The following SHISAL1 variants were observed in gnomAD, a reference collection of about 807,000 sequenced individuals.
The protein encoded by SHISAL1 is protein shisa-like-1.
A neutral mutation model predicts 22.6 loss-of-function variants in SHISAL1; 9 were observed. The observed-to-expected ratio is 0.40, with a 90% CI of 0.24 to 0.70. The LOEUF is 0.70. SHISAL1 is among the 30% of genes least tolerant of loss of function. The pLI is 0.39. For missense variants in SHISAL1, 246 were observed against 270.6 expected (o/e 0.91, Z 0.64); for synonymous variants, 119 against 115.4 (o/e 1.03, Z -0.20).
chr22:44,259,419 C>G (rs1220580749), intron 4 of SHISAL1, among the ~76,000 whole-genome samples: 1 of 149,788 alleles, frequency 6.7e-6, no homozygotes, highest in Non-Finnish European at 1.5e-5. Flanking sequence ...GCTCGGGCGA[C>G]AGTGCAAGAC....
At chr22:44,308,807 G>C (rs749164906) in intron 1 of SHISAL1, among the ~76,000 whole-genome samples, 1 of 152,196 alleles carries the variant, frequency 6.6e-6, no homozygotes, top group African/African-American at 2.4e-5. Flanking sequence ...CCCCAGGGTT[G>C]GCCCTCCTTA....
intron 4 of SHISAL1, among the ~76,000 whole-genome samples, chr22:44,273,163 A>C (rs544201705): frequency 2.0e-5 from 3 of 152,288 alleles, no homozygotes; most frequent in African/African-American, 7.2e-5. Context: ...GGAGCAAGTG[A>C]GATTATGTGA....
intron 1 of SHISAL1, among the ~76,000 whole-genome samples, chr22:44,305,610 G>A (rs756121370): frequency 1.3e-5 from 2 of 152,226 alleles, no homozygotes; most frequent in Non-Finnish European, 2.9e-5. Context: ...CCAGCCCTGC[G>A]GGACACCAGC....
At position 44,245,333 on chromosome 22, in the gene SHISAL1, TAG is replaced by T. The variant is rs1410324210; in HGVS notation, c.*4350_*4351del. 2.0e-5 allele frequency: 3 copies of T among 152,322 alleles called. No homozygotes were observed. Among genetic ancestry groups the T allele is most frequent in the Admixed American group, 1.3e-4 (2 of 15,274 alleles). 9.4% of individuals were successfully genotyped at this position (152,322 alleles called of 1,614,324 possible). A position where few individuals can be genotyped will look rare whatever the true frequency, so the allele number is the denominator to read the frequency against. On this transcript the variant is annotated 3_prime_UTR_variant, in exon 5 of 5. Transcript: ENST00000381176. Reference sequence around the variant, plus strand: ...CTTCCTTCCTTCTTACCTACCTACCTAGACAGAGTCTCACTCTGTTGCCCAGG... The same window carrying T: ...CTTCCTTCCTTCTTACCTACCTACCTACAGAGTCTCACTCTGTTGCCCAGG...
chr22:44,280,991 A>G (rs1188710803), intron 4 of SHISAL1, among the ~76,000 whole-genome samples: 2 of 152,170 alleles, frequency 1.3e-5, no homozygotes, highest in Non-Finnish European at 1.5e-5. Flanking sequence ...ATGACAGCAC[A>G]GCATGTGGCA....
upstream of SHISAL1, among the ~76,000 whole-genome samples, chr22:44,316,861 G>C (rs1436384361): frequency 1.3e-5 from 2 of 152,236 alleles, no homozygotes; most frequent in African/African-American, 4.8e-5. Context: ...AGATTATGGG[G>C]CGGGCAGGAG....
intron 1 of SHISAL1, among the ~76,000 whole-genome samples, chr22:44,309,051 C>T (rs541130651): frequency 3.0e-4 from 45 of 152,328 alleles, no homozygotes; most frequent in African/African-American, 8.2e-4. Context: ...CCACCGTGTA[C>T]GTCCAAACTG....
chr22:44,254,176 C>G (rs1304185185), intron 4 of SHISAL1, among the ~76,000 whole-genome samples: 1 of 151,964 alleles, frequency 6.6e-6, no homozygotes, highest in East Asian at 1.9e-4. Context: ...CATACATAGC[C>G]TTAAAACACT....
rs370971639 is a variant in SHISAL1 at position 44,266,528 on chromosome 22, A to ATGGGTG, written c.*-16844_*-16843insCACCCA. On this transcript the variant is annotated intron_variant, in intron 4 of 4. Transcript: ENST00000381176. ...ATGTGTGTGTTGGGGGCTTTGGGGTATGTGTGTGTGTGTGTGTGTGTGTGT... is the reference window on the plus strand; with the variant it reads ...ATGTGTGTGTTGGGGGCTTTGGGGTATGGGTGTGTGTGTGTGTGTGTGTGTGTGTGT... Among the ~76,000 whole-genome samples the ATGGGTG allele has an allele frequency of 4.5e-4, 49 of 108,418 alleles. 1 individual carries two copies. The highest frequency in any genetic ancestry group is 1.4e-3 in the African/African-American group (38 of 26,416). 71.1% of individuals were successfully genotyped at this position (108,418 alleles called of 152,430 possible).
chr22:44,296,461 C>T (rs2147298634), intron 3 of SHISAL1, among the ~76,000 whole-genome samples: 1 of 152,350 alleles, frequency 6.6e-6, no homozygotes, highest in East Asian at 1.9e-4. Context: ...CGCCTGGCCT[C>T]TGTGTCCATT....
chr22:44,254,444 T>A (rs2055070717), intron 4 of SHISAL1, among the ~76,000 whole-genome samples: 1 of 152,136 alleles, frequency 6.6e-6, no homozygotes, highest in Non-Finnish European at 1.5e-5. Context: ...CACTGCAACC[T>A]CAAACTCCTG....
intron 2 of SHISAL1, among the ~76,000 whole-genome samples, chr22:44,299,757 AAGAC>A (rs1035918265): frequency 4.0e-5 from 6 of 150,686 alleles, no homozygotes; most frequent in African/African-American, 1.5e-4. Context: ...GAGTCAGAGA[AAGAC>A]AGAGACAGAG....
the SHISAL1 span, among the ~76,000 whole-genome samples, chr22:44,326,139 C>G: frequency 6.6e-6 from 1 of 152,088 alleles, no homozygotes; most frequent in African/African-American, 2.4e-5. Context: ...ACGTACAATT[C>G]TCCCGACAAA....
chr22:44,245,403 C>T lies in SHISAL1; in HGVS notation c.*4282G>A, dbSNP rs965378453. The T allele has an allele frequency of 2.0e-5, 3 of 152,288 alleles. No homozygotes were observed. The highest frequency in any genetic ancestry group is 4.4e-5 in the Non-Finnish European group (3 of 68,096). 9.4% of individuals were successfully genotyped at this position (152,288 alleles called of 1,614,324 possible). Reference sequence around the variant, plus strand: ...GATCTCAGCTCACTGCAAGCTCTGCCTTCTGGGTTCATGTTATGTTAATTT... The same window carrying T: ...GATCTCAGCTCACTGCAAGCTCTGCTTTCTGGGTTCATGTTATGTTAATTT... On this transcript the variant is annotated 3_prime_UTR_variant, in exon 5 of 5. Coordinates refer to ENST00000381176, the MANE Select transcript of SHISAL1 (RefSeq NM_001099294.2).
At chr22:44,302,716 T>TTG (rs1423040716) in intron 1 of SHISAL1, among the ~76,000 whole-genome samples, 3 of 8,572 alleles carry the variant, frequency 3.5e-4, no homozygotes, top group Admixed American at 1.1e-3. Flanking sequence ...GGCCCTGGGG[T>TTG]GGGTGCGGTG....
At chr22:44,295,366 T>C (rs1307063661) in intron 3 of SHISAL1, among the ~76,000 whole-genome samples, 1 of 152,144 alleles carries the variant, frequency 6.6e-6, no homozygotes, top group African/African-American at 2.4e-5. Flanking sequence ...ATGCCAACTT[T>C]AAAACTTTCA....
intron 4 of SHISAL1, among the ~76,000 whole-genome samples, chr22:44,283,908 T>C (rs926749559): frequency 1.3e-5 from 2 of 152,074 alleles, no homozygotes; most frequent in Non-Finnish European, 2.9e-5. Flanking sequence ...AACACCCCAC[T>C]CTTGGGTCCT....
chr22:44,315,309 C>A (rs1361051425), upstream of SHISAL1, among the ~76,000 whole-genome samples: 1 of 152,080 alleles, frequency 6.6e-6, no homozygotes, highest in Non-Finnish European at 1.5e-5. Context: ...CCATTGCACA[C>A]AGGCCCACCC....
rs1378764753 is a variant in SHISAL1 at position 44,253,425 on chromosome 22, ATGTTTTTTT to A, written c.*-3749_*-3741del. Among the ~76,000 whole-genome samples the A allele has an allele frequency of 7.5e-3, 806 of 107,862 alleles. 17 individuals are homozygous for A. Among genetic ancestry groups the A allele is most frequent in the South Asian group, 0.028 (84 of 3,006 alleles). The allele number at this position is 107,862 out of a possible 152,430, so 70.8% of individuals were successfully genotyped here. On this transcript the variant is annotated intron_variant, in intron 4 of 4. Transcript: ENST00000381176. ...AAGCAGAGTATGCTAGTATTAGTGC[ATGTTTTTTT>A]TTTTTTTTTTTTTTGAGACAGTGTC...
Sources: allele counts gnomAD v4.1 joint callset (sites outside exome capture counted in the v4.1 genomes callset), GRCh38; gene constraint gnomAD v4.1.1; transcripts MANE v1.5; gene names NCBI Gene and HGNC (gene_info 2026-07-23, HGNC 2026-07-21).